GPR141: variants seen among roughly 807,000 people sequenced by gnomAD.
GPR141 encodes G protein-coupled receptor 141.
A neutral mutation model predicts 6.8 loss-of-function variants in GPR141; 6 were observed. The ratio of observed to expected loss-of-function variants is 0.88; its 90% confidence interval spans 0.48 to 1.74. The LOEUF is 1.74. Ranked by LOEUF, GPR141 falls within the 40% of genes most tolerant of loss-of-function variation. The pLI is 0.01. For missense variants in GPR141, 372 were observed against 372.9 expected (o/e 1.00, Z 0.02); for synonymous variants, 140 against 142.3 (o/e 0.98, Z 0.11).
At chr7:37,727,919 T>G (rs1811713882) in intron 2 of GPR141, among the ~76,000 whole-genome samples, 1 of 152,262 alleles carries the variant, frequency 6.6e-6, no homozygotes, top group South Asian at 2.1e-4. Context: ...GCCGTAAATA[T>G]GGGAATCCTC....
chr7:37,705,077 G>A (rs568930026), intron 2 of GPR141, among the ~76,000 whole-genome samples: 1 of 152,260 alleles, frequency 6.6e-6, no homozygotes, highest in African/African-American at 2.4e-5. Context: ...ATAGTTGAAT[G>A]TAACCCTGGT....
intron 2 of GPR141, among the ~76,000 whole-genome samples, chr7:37,723,696 C>T (rs954244445): frequency 2.6e-5 from 4 of 152,116 alleles, no homozygotes; most frequent in Non-Finnish European, 5.9e-5. Flanking sequence ...CTTACATGTC[C>T]GTATAGACAT....
chr7:37,741,409 T>C lies in GPR141; in HGVS notation c.*98T>C. 1.1e-6 allele frequency: 1 copy of C among 891,808 alleles called. No individual in the cohort carries two copies. Among genetic ancestry groups the C allele is most frequent in the Non-Finnish European group, 1.7e-6 (1 of 588,562 alleles). The allele number at this position is 891,808 out of a possible 1,614,324, so 55.2% of individuals were successfully genotyped here. ...GTATTTCATTACTTGATCAAAACCA[T>C]GCCTTGATGTACCCAAAACAAAAGG... On this transcript the variant is annotated 3_prime_UTR_variant, in exon 3 of 3. Transcript: ENST00000334425.
intron 2 of GPR141, among the ~76,000 whole-genome samples, chr7:37,717,187 T>C (rs1458544323): frequency 6.6e-6 from 1 of 152,144 alleles, no homozygotes; most frequent in Non-Finnish European, 1.5e-5. Context: ...TAATAGACAC[T>C]ATGAGGGAAT....
chr7:37,737,530 T>TAC (rs1158453182), intron 2 of GPR141, among the ~76,000 whole-genome samples: 2 of 152,136 alleles, frequency 1.3e-5, no homozygotes, highest in African/African-American at 4.8e-5. Context: ...GCTTTGAATG[T>TAC]AGCCCAACAC....
chr7:37,730,458 T>G (rs1271822640), intron 2 of GPR141, among the ~76,000 whole-genome samples: 2 of 152,164 alleles, frequency 1.3e-5, no homozygotes, highest in Non-Finnish European at 2.9e-5. Flanking sequence ...TATTAAGAAA[T>G]CTAAACATAT....
chr7:37,689,137 A>G (rs1048721358), intron 2 of GPR141, among the ~76,000 whole-genome samples: 2 of 152,200 alleles, frequency 1.3e-5, no homozygotes, highest in East Asian at 1.9e-4. Flanking sequence ...TTCTGAATCT[A>G]TTGAGATGAT....
At chr7:37,705,388 T>C (rs148648771) in intron 2 of GPR141, among the ~76,000 whole-genome samples, 8 of 152,334 alleles carry the variant, frequency 5.3e-5, no homozygotes, top group Admixed American at 2.0e-4. Flanking sequence ...ATCTAGAGAA[T>C]GTATTCTCCA....
chr7:37,740,534 C>T lies in GPR141; in HGVS notation c.141C>T (p.Thr47=), dbSNP rs1812484905. 6.2e-7 allele frequency: 1 copy of T among 1,614,074 alleles called. No individual in the cohort carries two copies. The highest frequency in any genetic ancestry group is 8.5e-7 in the Non-Finnish European group (1 of 1,179,970). ...TTTTCCTCCTGGTGAAAATGAACAC[C>T]CGGTCAGTGACCACCATGGCGGTCA... ...SILFLLVKMN[T]RSVTTMAVIN... is the part of the protein sequence containing the mutation. Residue 47 remains threonine, a synonymous_variant, in exon 3 of 3, where the codon ACC becomes ACT. Transcript: ENST00000334425.
chr7:37,691,486 AT>A (rs766042080), intron 2 of GPR141, among the ~76,000 whole-genome samples: 2 of 150,974 alleles, frequency 1.3e-5, no homozygotes, highest in Non-Finnish European at 3.0e-5. Context: ...TATTTTGTTA[AT>A]TGTTTTATTG....
At chr7:37,720,839 C>T (rs1054012779) in intron 2 of GPR141, among the ~76,000 whole-genome samples, 3 of 150,786 alleles carry the variant, frequency 2.0e-5, no homozygotes, top group African/African-American at 7.3e-5. Context: ...TTTTATTTTT[C>T]TCTTACATTG....
intron 2 of GPR141, among the ~76,000 whole-genome samples, chr7:37,715,202 C>A (rs1436847943): frequency 6.6e-6 from 1 of 152,132 alleles, no homozygotes; most frequent in Non-Finnish European, 1.5e-5. Flanking sequence ...CGCACTGCAG[C>A]CTTGAACTCC....
At chr7:37,727,274 G>T (rs1811679774) in intron 2 of GPR141, among the ~76,000 whole-genome samples, 1 of 152,024 alleles carries the variant, frequency 6.6e-6, no homozygotes, top group Non-Finnish European at 1.5e-5. Context: ...ATTCTCTTTT[G>T]CTGTCTCCAG....
At chr7:37,709,971 G>A (rs1207718179) in intron 2 of GPR141, among the ~76,000 whole-genome samples, 3 of 149,702 alleles carry the variant, frequency 2.0e-5, no homozygotes, top group South Asian at 2.1e-4. Flanking sequence ...CTGCACGCCC[G>A]CAGTAAGCAT....
At chr7:37,730,924 G>A (rs1811899621) in intron 2 of GPR141, among the ~76,000 whole-genome samples, 1 of 152,158 alleles carries the variant, frequency 6.6e-6, no homozygotes, top group African/African-American at 2.4e-5. Flanking sequence ...TTGTGAAAAG[G>A]CTCGAAATTT....
rs1812542701 is a variant in GPR141 at position 37,741,168 on chromosome 7, AAC to A, written c.777_778del (p.Asn259LysfsTer7). 3.7e-6 allele frequency: 6 copies of A among 1,614,036 alleles called. No homozygotes were observed. The South Asian group carries it at 5.5e-5, about 15-fold the overall frequency. On this transcript the variant is annotated frameshift_variant, in exon 3 of 3. Transcript: ENST00000334425. LOFTEE classifies it high-confidence loss of function. The part of the protein sequence containing the change: ...LNVVTHSNAC[N>X]SKVAFYNEIF... ...TGTTGTGACGCATTCCAATGCCTGTAACAGCAAGGTTGCATTTTATAACGAAA... is the reference window on the plus strand; with the variant it reads ...TGTTGTGACGCATTCCAATGCCTGTAAGCAAGGTTGCATTTTATAACGAAA...
chr7:37,733,320 T>C (rs1812065936), intron 2 of GPR141, among the ~76,000 whole-genome samples: 1 of 152,114 alleles, frequency 6.6e-6, no homozygotes, highest in Non-Finnish European at 1.5e-5. Flanking sequence ...GATGTCACCA[T>C]AACACATGGT....
chr7:37,690,370 T>G (rs1809702303), intron 2 of GPR141, among the ~76,000 whole-genome samples: 1 of 152,150 alleles, frequency 6.6e-6, no homozygotes, highest in African/African-American at 2.4e-5. Context: ...GTCCTCCTGA[T>G]AGCGAGAGGG....
intron 2 of GPR141, among the ~76,000 whole-genome samples, chr7:37,722,638 C>T (rs539764783): frequency 2.7e-5 from 4 of 150,522 alleles, no homozygotes; most frequent in Admixed American, 2.7e-4. Flanking sequence ...AGGAAAATTG[C>T]TTGAACCCAG....
Sources: gnomAD v4.1 joint callset for allele counts (sites outside exome capture counted in the v4.1 genomes callset) on GRCh38, gnomAD v4.1.1 for gene constraint, MANE v1.5 for transcripts, NCBI Gene and HGNC (gene_info 2026-07-23, HGNC 2026-07-21) for gene names.